The following CFAP61 variants were observed in gnomAD, a reference collection of about 807,000 sequenced individuals.
The protein encoded by CFAP61 is cilia- and flagella-associated protein 61.
In CFAP61, 107 loss-of-function variants were observed where a neutral mutation model predicts 135.6. The observed-to-expected ratio is 0.79, with a 90% CI of 0.67 to 0.93. CFAP61 has a LOEUF of 0.93. Ranked by LOEUF, CFAP61 falls within the 40% of genes least tolerant of loss-of-function variation. The pLI, the probability that CFAP61 is intolerant of heterozygous loss-of-function variation, is 0.00. For missense variants in CFAP61, 1,507 were observed against 1,556.2 expected (o/e 0.97, Z 0.53); for synonymous variants, 575 against 578.5 (o/e 0.99, Z 0.09).
chr20:20,091,748 G>A (rs1756823592), intron 7 of CFAP61, among the ~76,000 whole-genome samples: 1 of 152,062 alleles, frequency 6.6e-6, no homozygotes, highest in Admixed American at 6.6e-5. Flanking sequence ...CATGATCTCG[G>A]CTCACTGCAA....
intron 2 of CFAP61, among the ~76,000 whole-genome samples, chr20:20,059,424 C>G (rs1288503229): frequency 6.7e-6 from 1 of 149,268 alleles, no homozygotes; most frequent in Middle Eastern, 3.2e-3. Context: ...TGAGACCAAC[C>G]TGGCCTATAT....
rs1474304282 is a variant in CFAP61, at chr20:20,193,254, C to T, written c.1590+1835C>T. Among the ~76,000 whole-genome samples the T allele has an allele frequency of 1.3e-5, 2 of 152,106 alleles. 1 individual carries two copies. The highest frequency in any genetic ancestry group is 4.8e-5 in the African/African-American group (2 of 41,394). ...AATGGAATGATTCTACACTTTCCTT[C>T]ATTTAGTGTAATCGTGGCTGTAGGT... is the stretch of plus-strand genomic sequence containing the variant. On this transcript the variant is annotated intron_variant, in intron 15 of 26. Coordinates refer to ENST00000245957, the MANE Select transcript of CFAP61 (RefSeq NM_015585.4).
chr20:20,161,702 C>T (rs1254638490), intron 10 of CFAP61, among the ~76,000 whole-genome samples: 1 of 152,134 alleles, frequency 6.6e-6, no homozygotes, highest in Non-Finnish European at 1.5e-5. Context: ...GTCAGCCACA[C>T]CCCAAGTGAG....
chr20:20,138,298 G>A (rs757881838), intron 8 of CFAP61, among the ~76,000 whole-genome samples: 4 of 152,296 alleles, frequency 2.6e-5, no homozygotes, highest in Non-Finnish European at 4.4e-5. Flanking sequence ...CCCTAAGTCC[G>A]GTAGCTCAGT....
chr20:20,293,291 G>A (rs887522687), intron 24 of CFAP61, among the ~76,000 whole-genome samples: 15 of 152,216 alleles, frequency 9.9e-5, no homozygotes, highest in Non-Finnish European at 2.9e-5. Flanking sequence ...GTTTTAATAA[G>A]AGTGCAACTT....
Position 20,327,795 on chromosome 20 carries a change from A to C in CFAP61, c.3423-14036A>C, listed in dbSNP as rs534490103. Among the ~76,000 whole-genome samples, 9 of 80,822 alleles carry C rather than the reference A, an allele frequency of 1.1e-4. 1 individual carries two copies. The highest frequency in any genetic ancestry group is 9.1e-4 in the South Asian group (2 of 2,200). The allele number at this position is 80,822 out of a possible 152,430, so 53.0% of individuals were successfully genotyped here. A position where few individuals can be genotyped will look rare whatever the true frequency, so the allele number is the denominator to read the frequency against. The stretch of plus-strand genomic sequence containing the variant: ...AGCCTGTCAAAAAAAAAAAAAAAAA[A>C]AAAAAAAAAACAGAAGAAACAGGAG... On this transcript the variant is annotated intron_variant, in intron 25 of 26. Coordinates refer to ENST00000245957, the MANE Select transcript of CFAP61 (RefSeq NM_015585.4).
intron 8 of CFAP61, among the ~76,000 whole-genome samples, chr20:20,125,334 T>A (rs1568957416): frequency 6.6e-6 from 1 of 151,750 alleles, no homozygotes; most frequent in African/African-American, 2.4e-5. Context: ...GCTCTGTCAG[T>A]CTTTTTGATG....
rs7270924 is a variant in CFAP61, at chr20:20,245,680, C to T, written c.2061-437C>T. On this transcript the variant is annotated intron_variant, in intron 18 of 26. Transcript: ENST00000245957. ...AGGGATAATAGTATTACTGACCTGA[C>T]TGGATTCCTGTAAGGACTAGATGGG... Among the ~76,000 whole-genome samples the T allele has an allele frequency of 7.9e-3, 1,205 of 152,264 alleles. 9 individuals carry two copies. The highest frequency in any genetic ancestry group is 0.012 in the Non-Finnish European group (829 of 68,020).
chr20:20,213,912 T>G (rs1232140398), intron 17 of CFAP61, among the ~76,000 whole-genome samples: 6 of 151,922 alleles, frequency 3.9e-5, no homozygotes, highest in Admixed American at 3.9e-4. Context: ...TCTCTCTCTC[T>G]CTCTCTCCAC....
intron 3 of CFAP61, among the ~76,000 whole-genome samples, chr20:20,072,450 A>G (rs1378454145): frequency 6.6e-6 from 1 of 151,942 alleles, no homozygotes; most frequent in Non-Finnish European, 1.5e-5. Context: ...TTTCCTAGTA[A>G]ATCACCTGAA....
intron 24 of CFAP61, among the ~76,000 whole-genome samples, chr20:20,297,926 C>A (rs1026141625): frequency 1.3e-5 from 2 of 152,166 alleles, no homozygotes; most frequent in African/African-American, 4.8e-5. Context: ...TTGGTTGTAA[C>A]CTAGCAACTA....
chr20:20,297,455 C>T (rs1601879090), intron 24 of CFAP61, among the ~76,000 whole-genome samples: 2 of 152,204 alleles, frequency 1.3e-5, no homozygotes, highest in East Asian at 3.9e-4. Flanking sequence ...TTCCCACTGC[C>T]TGAGCCAGTG....
At chr20:20,128,324 G>T (rs1032812077) in intron 8 of CFAP61, among the ~76,000 whole-genome samples, 1 of 151,694 alleles carries the variant, frequency 6.6e-6, no homozygotes, top group Non-Finnish European at 1.5e-5. Context: ...GGCAGGAATG[G>T]CCTGCCTGGG....
At chr20:20,252,058 C>T (rs552428862) in intron 20 of CFAP61, among the ~76,000 whole-genome samples, 1 of 152,216 alleles carries the variant, frequency 6.6e-6, no homozygotes, top group Non-Finnish European at 1.5e-5. Context: ...ACATACTGCT[C>T]GCCCTAGCAG....
chr20:20,330,396 C>T (rs1255628329), intron 25 of CFAP61, among the ~76,000 whole-genome samples: 14 of 152,160 alleles, frequency 9.2e-5, no homozygotes, highest in African/African-American at 3.4e-4. Context: ...GAGTGCATGG[C>T]GCCATCTCAG....
chr20:20,169,247 G>A (rs1370604557), intron 12 of CFAP61, 74 bp from the exon 13 acceptor site: 7 of 1,424,374 alleles, frequency 4.9e-6, no homozygotes, highest in Middle Eastern at 1.9e-4. Context: ...TTTTCTTGGT[G>A]TTTTTTAGAG....
At chr20:20,090,806 G>A (rs772256626) in intron 6 of CFAP61, 38 bp from the exon 7 acceptor site, 7 of 1,606,834 alleles carry the variant, frequency 4.4e-6, no homozygotes, top group African/African-American at 2.7e-5. Flanking sequence ...AAAAAAATGA[G>A]TGAACGAACA....
chr20:20,334,229 C>T (rs1387429102), intron 25 of CFAP61, among the ~76,000 whole-genome samples: 1 of 152,194 alleles, frequency 6.6e-6, no homozygotes, highest in Admixed American at 6.5e-5. Context: ...CGGATTCAAG[C>T]AATTCTCCTG....
At chr20:20,237,550 G>A (rs560065333) in intron 18 of CFAP61, among the ~76,000 whole-genome samples, 14 of 152,222 alleles carry the variant, frequency 9.2e-5, no homozygotes, top group African/African-American at 3.1e-4. Context: ...CTCTCTCTTC[G>A]GTCTCCCCCT....
Sources: allele counts gnomAD v4.1 joint callset (sites outside exome capture counted in the v4.1 genomes callset), GRCh38; gene constraint gnomAD v4.1.1; transcripts MANE v1.5; gene names NCBI Gene and HGNC (gene_info 2026-07-23, HGNC 2026-07-21).